Variants in ZFAND2A observed in about 807,000 individuals in gnomAD.
ZFAND2A encodes the protein zinc finger AN1-type containing 2A.
A neutral mutation model predicts 11.6 loss-of-function variants in ZFAND2A; 20 were observed. The observed-to-expected ratio is 1.72, with a 90% CI of 1.21 to 2.50. The LOEUF is 2.50. Ranked by LOEUF, ZFAND2A falls within the 30% of genes most tolerant of loss-of-function variation. ZFAND2A has a pLI of 0.00. For synonymous variants in ZFAND2A, 93 were observed against 60.6 expected, an observed-to-expected ratio of 1.54 and a Z score of -2.48; for missense variants, 234 against 182.9, an observed-to-expected ratio of 1.28 and a Z score of -1.61.
downstream of ZFAND2A, chr7:1,152,793 C>G: frequency 1.8e-6 from 1 of 556,532 alleles, no homozygotes; most frequent in South Asian, 1.9e-5. Flanking sequence ...CTGCCGACAT[C>G]CTGCGCCTGG....
In ZFAND2A at chr7:1,157,716, T is replaced by C; in HGVS notation, c.90A>G (p.Gln30=). 1 of 1,562,380 alleles carries C rather than the reference T, an allele frequency of 6.4e-7. No individual in the cohort carries two copies. ...ATGGAAAATGATCTTTACAGAAATC[T>C]TGTTTACATGCATCACATTTTACTG... ...FLPVKCDACK[Q]DFCKDHFPYA... is the part of the protein sequence containing the mutation. The change falls in exon 3 of 5, where the codon CAA becomes CAG. Residue 30 remains glutamine, a synonymous_variant. Transcript: ENST00000316495.
chr7:1,154,795 G>A (rs1020711902), intron 4 of ZFAND2A, among the ~76,000 whole-genome samples: 3 of 152,278 alleles, frequency 2.0e-5, no homozygotes, highest in African/African-American at 7.2e-5. Flanking sequence ...GACTAGGAAC[G>A]GATTAAGCCT....
At chr7:1,156,677 C>T (rs930863283) in intron 3 of ZFAND2A, among the ~76,000 whole-genome samples, 2 of 152,346 alleles carry the variant, frequency 1.3e-5, no homozygotes, top group Admixed American at 6.5e-5. Context: ...ATGAGAAAAC[C>T]GAGGTGGCAA....
downstream of ZFAND2A, among the ~76,000 whole-genome samples, chr7:1,150,478 C>G (rs1227231789): frequency 2.6e-5 from 4 of 152,204 alleles, no homozygotes. Flanking sequence ...CCCAGGAAAT[C>G]ACTGCACTCT....
downstream of ZFAND2A, among the ~76,000 whole-genome samples, chr7:1,149,214 G>T (rs192673825): frequency 1.3e-5 from 2 of 152,334 alleles, no homozygotes; most frequent in African/African-American, 4.8e-5. Flanking sequence ...CACACACCCA[G>T]GTTCCTAACG....
At chr7:1,157,772 A>C (rs1793566498) in intron 2 of ZFAND2A, 22 bp from the exon 3 acceptor site, 2 of 1,519,782 alleles carry the variant, frequency 1.3e-6, no homozygotes, top group African/African-American at 1.4e-5. Context: ...AAAACAGGGA[A>C]GTGTTTTAAC....
At chr7:1,150,155 TAAAAA>T (rs149409812), downstream of ZFAND2A, among the ~76,000 whole-genome samples, 3,089 of 149,066 alleles carry the variant, frequency 0.021, 47 homozygotes, top group African/African-American at 0.029. Context: ...TTTGTCAGAT[TAAAAA>T]AAAAAGATAT....
chr7:1,159,953 C>A lies in ZFAND2A; in HGVS notation c.-46+11G>T, dbSNP rs573394024. ...CCGGCAGACCCTGTCTGCGCAATCC[C>A]GGCCCCGTACCTGGCTCTCGTCGGG... On this transcript the variant is annotated intron_variant, in intron 1 of 4. Transcript: ENST00000316495. 1.9e-5 allele frequency: 3 copies of A among 159,880 alleles called. No individual in the cohort carries two copies. Among genetic ancestry groups the A allele is most frequent in the Admixed American group, 1.3e-4 (2 of 15,310 alleles). 9.9% of individuals were successfully genotyped at this position (159,880 alleles called of 1,614,324 possible). A position where few individuals can be genotyped will look rare whatever the true frequency, so the allele number is the denominator to read the frequency against.
chr7:1,152,136 G>A (rs557464843), downstream of ZFAND2A: 28 of 1,336,682 alleles, frequency 2.1e-5, no homozygotes, highest in East Asian at 1.1e-4. Flanking sequence ...TGACGAAGTC[G>A]CACCACTGGA....
intron 4 of ZFAND2A, 117 bp downstream of exon 4, chr7:1,155,336 C>T: frequency 1.4e-6 from 2 of 1,450,868 alleles, no homozygotes; most frequent in Non-Finnish European, 1.8e-6. Flanking sequence ...CGTTAGGACT[C>T]TTCTTTTCTA....
rs1035294977 is a variant in ZFAND2A at position 1,160,009 on chromosome 7, G to C, written c.-91C>G. Reference sequence around the variant, plus strand: ...AGGCAGCTGAGGTGAGCAGCAGATGGAAGAGACGTAAACTCAGGTGTCCTC... The same window carrying C: ...AGGCAGCTGAGGTGAGCAGCAGATGCAAGAGACGTAAACTCAGGTGTCCTC... On this transcript the variant is annotated 5_prime_UTR_variant, in exon 1 of 5. Transcript: ENST00000316495. The C allele has an allele frequency of 6.4e-6, 1 of 156,540 alleles. No individual in the cohort carries two copies. Among genetic ancestry groups the C allele is most frequent in the African/African-American group, 2.4e-5 (1 of 41,594 alleles). 9.7% of individuals were successfully genotyped at this position (156,540 alleles called of 1,614,324 possible). A position where few individuals can be genotyped will look rare whatever the true frequency, so the allele number is the denominator to read the frequency against.
At chr7:1,158,954 C>G (rs1419408522) in intron 1 of ZFAND2A, among the ~76,000 whole-genome samples, 1 of 152,106 alleles carries the variant, frequency 6.6e-6, no homozygotes, top group Non-Finnish European at 1.5e-5. Context: ...GGGGCCTTTT[C>G]CTGACCTTCC....
rs999469643 is a variant in ZFAND2A, at chr7:1,155,642, G to T, written c.151-58C>A. On this transcript the variant is annotated intron_variant, in intron 3 of 4. Coordinates refer to ENST00000316495, the MANE Select transcript of ZFAND2A (RefSeq NM_182491.4). ...ACTCATGCAACTTAAACTCACAGAA[G>T]TTTTAAACGAGTACTCCTGTGCGGC... is the stretch of plus-strand genomic sequence containing the variant. 12 of 1,588,974 alleles carry T rather than the reference G, an allele frequency of 7.6e-6. No homozygotes were observed. The African/African-American group carries it at 1.6e-4, about 22-fold the overall frequency.
At chr7:1,155,377 C>T in intron 4 of ZFAND2A, 76 bp downstream of exon 4, 1 of 1,567,958 alleles carries the variant, frequency 6.4e-7, no homozygotes, top group Non-Finnish European at 8.6e-7. Context: ...GAGTAATTTT[C>T]AGGTAGCAAA....
chr7:1,153,045 G>C lies in ZFAND2A; in HGVS notation c.*24C>G. The C allele has an allele frequency of 6.2e-7, 1 of 1,613,958 alleles. No homozygotes were observed. Among genetic ancestry groups the C allele is most frequent in the Non-Finnish European group, 8.5e-7 (1 of 1,179,942 alleles). ...TTCCACGCATGCTACTGCGTGCTCCGAGCCATCGCAGCGGAGTCTCTTCTC... is the reference window on the plus strand; with the variant it reads ...TTCCACGCATGCTACTGCGTGCTCCCAGCCATCGCAGCGGAGTCTCTTCTC... On this transcript the variant is annotated 3_prime_UTR_variant, in exon 5 of 5. Transcript: ENST00000316495.
chr7:1,154,700 A>G (rs930060366), intron 4 of ZFAND2A, among the ~76,000 whole-genome samples: 1 of 152,214 alleles, frequency 6.6e-6, no homozygotes, highest in African/African-American at 2.4e-5. Flanking sequence ...TTTGAGACCA[A>G]AAGTTATTTG....
intron 3 of ZFAND2A, among the ~76,000 whole-genome samples, chr7:1,156,812 G>A (rs908092180): frequency 4.6e-5 from 7 of 152,222 alleles, no homozygotes; most frequent in African/African-American, 1.2e-4. Flanking sequence ...ATTAGTAAAC[G>A]GTCTCCAGCC....
intron 3 of ZFAND2A, among the ~76,000 whole-genome samples, chr7:1,156,689 C>T (rs147626859): frequency 2.9e-4 from 44 of 152,342 alleles, no homozygotes; most frequent in African/African-American, 8.4e-4. Flanking sequence ...AGGTGGCAAC[C>T]GACATGGAAC....
chr7:1,157,056 G>A (rs1234738820), intron 3 of ZFAND2A: 1 of 152,194 alleles, frequency 6.6e-6, no homozygotes. Context: ...TCACTAAAAT[G>A]ACCTGTGACC....
Sources: allele counts gnomAD v4.1 joint callset (sites outside exome capture counted in the v4.1 genomes callset), GRCh38; gene constraint gnomAD v4.1.1; transcripts MANE v1.5; gene names NCBI Gene and HGNC (gene_info 2026-07-23, HGNC 2026-07-21).